The following BNC2 variants were observed in gnomAD, a reference collection of about 807,000 sequenced individuals.
BNC2 encodes the protein basonuclin zinc finger protein 2.
A neutral mutation model predicts 76.3 loss-of-function variants in BNC2; 20 were observed. That is an observed-to-expected ratio of 0.26 (90% CI 0.18 to 0.38). The LOEUF (loss-of-function observed/expected upper bound fraction) is 0.38, where lower values mean the gene tolerates loss of function less well. Ranked by LOEUF, BNC2 falls within the 10% of genes least tolerant of loss-of-function variation. The pLI, the probability that BNC2 is intolerant of heterozygous loss-of-function variation, is 1.00. For missense variants in BNC2, 1,382 were observed against 1,399.8 expected, an observed-to-expected ratio of 0.99 and a Z score of 0.20; for synonymous variants, 582 against 514.8, an observed-to-expected ratio of 1.13 and a Z score of -1.77.
At chr9:16,651,568 T>C (rs573194325) in intron 3 of BNC2, among the ~76,000 whole-genome samples, 26 of 152,274 alleles carry the variant, frequency 1.7e-4, no homozygotes, top group Non-Finnish European at 3.2e-4. Flanking sequence ...GGGAGCTCAT[T>C]AGGCTGTTCC....
chr9:16,635,297 T>G, intron 3 of BNC2, among the ~76,000 whole-genome samples: 1 of 152,322 alleles, frequency 6.6e-6, no homozygotes, highest in South Asian at 2.1e-4. Flanking sequence ...TGAACACTAG[T>G]AGGTTAACAG....
chr9:16,421,154 G>A, intron 6 of BNC2: 1 of 571,422 alleles, frequency 1.8e-6, no homozygotes, highest in South Asian at 3.3e-5. Flanking sequence ...CAAGAAAGGT[G>A]GGGAAGACTT....
At chr9:16,434,833 A>C (rs765443204) in intron 6 of BNC2, 5 of 456,762 alleles carry the variant, frequency 1.1e-5, no homozygotes, top group African/African-American at 1.0e-4. Flanking sequence ...CCTTCTGTGC[A>C]TAATCCGCAT....
At chr9:16,556,449 A>G (rs1818833995) in intron 4 of BNC2, among the ~76,000 whole-genome samples, 1 of 151,942 alleles carries the variant, frequency 6.6e-6, no homozygotes, top group East Asian at 1.9e-4. Flanking sequence ...GTTACCTAGG[A>G]GATGAGCCAT....
chr9:16,486,668 C>T (rs1822170308), intron 5 of BNC2, among the ~76,000 whole-genome samples: 1 of 152,034 alleles, frequency 6.6e-6, no homozygotes, highest in South Asian at 2.1e-4. Context: ...TTAAAGTTCT[C>T]CTGGGTTTCT....
At chr9:16,816,278 T>A (rs1818180242) in intron 1 of BNC2, among the ~76,000 whole-genome samples, 1 of 152,188 alleles carries the variant, frequency 6.6e-6, no homozygotes, top group South Asian at 2.1e-4. Context: ...TAACCAGTGT[T>A]GATTCTGATG....
intron 1 of BNC2, among the ~76,000 whole-genome samples, chr9:16,796,733 G>A (rs1339091913): frequency 6.6e-6 from 1 of 152,152 alleles, no homozygotes; most frequent in African/African-American, 2.4e-5. Context: ...TCAAGAGAAT[G>A]TACTTGAGTA....
intron 3 of BNC2, among the ~76,000 whole-genome samples, chr9:16,652,896 G>C (rs775142559): frequency 6.6e-6 from 1 of 152,136 alleles, no homozygotes; most frequent in African/African-American, 2.4e-5. Flanking sequence ...GCAAACCGAA[G>C]TCTTGACACA....
chr9:16,702,450 AC>A lies in BNC2; in HGVS notation c.330+25346del, dbSNP rs1823541739. Among the ~76,000 whole-genome samples the A allele has an allele frequency of 5.3e-5, 8 of 151,916 alleles. No individual in the cohort carries two copies. In the South Asian group the frequency reaches 1.7e-3, roughly 31 times the overall value. On this transcript the variant is annotated intron_variant, in intron 3 of 6. Transcript: ENST00000380672. The stretch of plus-strand genomic sequence containing the variant: ...CTGGTAACACAGAAATGATAGCATC[AC>A]TCTGACATCCACAAAGATCAACCTA...
At chr9:16,735,784 G>A (rs1370562139) in intron 2 of BNC2, among the ~76,000 whole-genome samples, 2 of 151,984 alleles carry the variant, frequency 1.3e-5, no homozygotes, top group African/African-American at 4.8e-5. Flanking sequence ...GATTACAGGG[G>A]TGAGCCACCA....
At chr9:16,638,950 T>C (rs1237540079) in intron 3 of BNC2, among the ~76,000 whole-genome samples, 1 of 152,168 alleles carries the variant, frequency 6.6e-6, no homozygotes, top group African/African-American at 2.4e-5. Context: ...AAAGTAATAA[T>C]GTCTAGCATA....
chr9:16,733,949 ATTTCC>A (rs1344020246), intron 2 of BNC2, among the ~76,000 whole-genome samples: 4 of 152,040 alleles, frequency 2.6e-5, no homozygotes, highest in African/African-American at 7.2e-5. Context: ...CTGGCTCCTA[ATTTCC>A]TTTCATTACA....
chr9:16,844,562 A>T (rs1198803628), intron 1 of BNC2, among the ~76,000 whole-genome samples: 2 of 135,816 alleles, frequency 1.5e-5, no homozygotes, highest in Non-Finnish European at 3.0e-5. Context: ...CAGTGGCGAG[A>T]TCTCGGCTCA....
At chr9:16,527,374 TC>T (rs768256366) in intron 5 of BNC2, among the ~76,000 whole-genome samples, 28 of 152,218 alleles carry the variant, frequency 1.8e-4, no homozygotes, top group Non-Finnish European at 3.1e-4. Context: ...CCATCTTATC[TC>T]CCCCAGACCC....
chr9:16,570,021 C>T (rs1819275691), intron 4 of BNC2, among the ~76,000 whole-genome samples: 1 of 152,232 alleles, frequency 6.6e-6, no homozygotes, highest in Admixed American at 6.5e-5. Flanking sequence ...TATGTACATC[C>T]TTTTATTAAA....
At chr9:16,589,352 A>AT (rs1458694738) in intron 3 of BNC2, among the ~76,000 whole-genome samples, 1 of 151,494 alleles carries the variant, frequency 6.6e-6, no homozygotes, top group Admixed American at 6.6e-5. Context: ...CTTCTGGCTA[A>AT]TTTTTGTATT....
At chr9:16,815,319 T>A (rs1339172477) in intron 1 of BNC2, among the ~76,000 whole-genome samples, 1 of 152,178 alleles carries the variant, frequency 6.6e-6, no homozygotes, top group Non-Finnish European at 1.5e-5. Flanking sequence ...GTGCAAAGTT[T>A]GAAAAGATTA....
intron 5 of BNC2, among the ~76,000 whole-genome samples, chr9:16,544,830 A>C (rs1358390181): frequency 6.6e-6 from 1 of 151,992 alleles, no homozygotes; most frequent in Non-Finnish European, 1.5e-5. Context: ...AAAAAAGAAT[A>C]AACCATTACT....
intron 3 of BNC2, among the ~76,000 whole-genome samples, chr9:16,635,408 G>A (rs1821294091): frequency 6.6e-6 from 1 of 152,046 alleles, no homozygotes; most frequent in Non-Finnish European, 1.5e-5. Context: ...GATAAAATTT[G>A]TTAGTCAATG....
Sources: gnomAD v4.1 joint callset for allele counts (sites outside exome capture counted in the v4.1 genomes callset) on GRCh38, gnomAD v4.1.1 for gene constraint, MANE v1.5 for transcripts, NCBI Gene and HGNC (gene_info 2026-07-23, HGNC 2026-07-21) for gene names.